TMPRSS11E: variants seen among roughly 807,000 people sequenced by gnomAD.
TMPRSS11E encodes transmembrane serine protease 11E.
A neutral mutation model predicts 48.1 loss-of-function variants in TMPRSS11E; 38 were observed. The ratio of observed to expected loss-of-function variants is 0.79; its 90% CI spans 0.61 to 1.04. TMPRSS11E has a LOEUF of 1.04. Among genes scored for constraint, TMPRSS11E ranks in the 50% least tolerant of loss-of-function variants. The pLI, the probability that TMPRSS11E is intolerant of heterozygous loss-of-function variation, is 0.00. For synonymous variants in TMPRSS11E, 158 were observed against 171.9 expected, an observed-to-expected ratio of 0.92 and a Z score of 0.63; for missense variants, 530 against 510.8, an observed-to-expected ratio of 1.04 and a Z score of -0.36.
intron 1 of TMPRSS11E, among the ~76,000 whole-genome samples, chr4:68,449,050 A>C (rs1321491106): frequency 6.6e-6 from 1 of 151,806 alleles, no homozygotes; most frequent in Non-Finnish European, 1.5e-5. Context: ...ATTTTATTAA[A>C]TAGCATGCTC....
intron 4 of TMPRSS11E, among the ~76,000 whole-genome samples, chr4:68,470,538 G>T (rs563159227): frequency 1.3e-5 from 2 of 151,950 alleles, no homozygotes; most frequent in African/African-American, 4.8e-5. Context: ...ATGTATGAGT[G>T]CATTTGAATG....
chr4:68,455,391 A>G (rs1728602082), intron 1 of TMPRSS11E, among the ~76,000 whole-genome samples: 1 of 152,000 alleles, frequency 6.6e-6, no homozygotes, highest in South Asian at 2.1e-4. Flanking sequence ...AGAGCTCTCA[A>G]TATCATACAA....
intron 1 of TMPRSS11E, among the ~76,000 whole-genome samples, chr4:68,454,662 T>A (rs1238879160): frequency 6.6e-6 from 1 of 151,924 alleles, no homozygotes; most frequent in Non-Finnish European, 1.5e-5. Context: ...TCAGATAGAA[T>A]TTTGTTACAT....
chr4:68,494,071 T>C (rs933351941), intron 9 of TMPRSS11E, among the ~76,000 whole-genome samples: 1 of 152,136 alleles, frequency 6.6e-6, no homozygotes, highest in African/African-American at 2.4e-5. Context: ...TCTCTCAATC[T>C]GGCTATGCTC....
chr4:68,476,245 C>G lies in TMPRSS11E; in HGVS notation c.530-16C>G, dbSNP rs371712937. The G allele has an allele frequency of 8.1e-6, 13 of 1,613,500 alleles. No individual in the cohort carries two copies. In the Admixed American group the frequency reaches 1.5e-4, roughly 19 times the overall value. On this transcript the variant is annotated splice_polypyrimidine_tract_variant and intron_variant, in intron 6 of 9. Coordinates refer to ENST00000305363, the MANE Select transcript of TMPRSS11E (RefSeq NM_014058.4). ...TTAATGCACCCACCAATGCACCCCC[C>G]CTCTCTCTTTTGCAGGCTGCGGAAC...
In TMPRSS11E at chr4:68,477,586, G is replaced by A; in HGVS notation, c.925G>A (p.Asp309Asn). The A allele has an allele frequency of 2.5e-6, 4 of 1,614,060 alleles. No homozygotes were observed. Among genetic ancestry groups the A allele is most frequent in the Non-Finnish European group, 3.4e-6 (4 of 1,179,954 alleles). ...TGCATCCTATGAGTTTCAACCAGGT[G>A]ATGTGATGTTTGTGACAGGATTTGG... ...PDASYEFQPG[D>N]VMFVTGFGAL... Residue 309 changes from aspartate (D) to asparagine (N), a missense_variant, in exon 8 of 10, where the codon GAT becomes AAT. Coordinates refer to ENST00000305363, the MANE Select transcript of TMPRSS11E (RefSeq NM_014058.4).
chr4:68,491,051 A>G (rs1379056721), intron 9 of TMPRSS11E, among the ~76,000 whole-genome samples: 10 of 151,352 alleles, frequency 6.6e-5, no homozygotes, highest in African/African-American at 2.4e-4. Context: ...GAGCCACTGC[A>G]CCTGGTGCCT....
intron 9 of TMPRSS11E, among the ~76,000 whole-genome samples, chr4:68,482,107 G>A (rs1729418484): frequency 6.6e-6 from 1 of 152,150 alleles, no homozygotes. Flanking sequence ...ATGGCAGAAG[G>A]TGAAGTGTGA....
intron 9 of TMPRSS11E, among the ~76,000 whole-genome samples, 196 bp downstream of exon 9, chr4:68,479,187 G>A (rs911809832): frequency 2.0e-5 from 3 of 152,122 alleles, no homozygotes; most frequent in Non-Finnish European, 4.4e-5. Flanking sequence ...CAAAGTATGT[G>A]TCTAATTCTA....
At chr4:68,450,754 CTAAA>C (rs1181447907) in intron 1 of TMPRSS11E, among the ~76,000 whole-genome samples, 1 of 151,870 alleles carries the variant, frequency 6.6e-6, no homozygotes, top group Non-Finnish European at 1.5e-5. Flanking sequence ...TGTATTTAAA[CTAAA>C]TAAACAGTGA....
At chr4:68,472,420 AAATT>A (rs3044075) in intron 5 of TMPRSS11E, among the ~76,000 whole-genome samples, 64,966 of 151,468 alleles carry the variant, frequency 0.43, 14,557 homozygotes, top group Middle Eastern at 0.58. Context: ...GTCAATGTAA[AAATT>A]AATTATTCAT....
intron 1 of TMPRSS11E, among the ~76,000 whole-genome samples, chr4:68,448,492 CT>C (rs1728403881): frequency 6.6e-6 from 1 of 151,922 alleles, no homozygotes; most frequent in African/African-American, 2.4e-5. Flanking sequence ...ATCCTATTCT[CT>C]TTTTCTCATT....
At chr4:68,490,777 T>TTTTTTTGG (rs1729695642) in intron 9 of TMPRSS11E, among the ~76,000 whole-genome samples, 2 of 102,206 alleles carry the variant, frequency 2.0e-5, no homozygotes, top group African/African-American at 3.2e-5. Context: ...TTTTTTTTTT[T>TTTTTTTGG]GAGGTGGAGT....
rs542701342 is a variant in TMPRSS11E at position 68,474,625 on chromosome 4, T to G, written c.491-98T>G. On this transcript the variant is annotated intron_variant, in intron 5 of 9. Coordinates refer to ENST00000305363, the MANE Select transcript of TMPRSS11E (RefSeq NM_014058.4). ...TTCTTTATAATCTAGAGATACTGTT[T>G]TATAATAAAATTAAGCAGCCTTTTA... The G allele has an allele frequency of 2.3e-4, 257 of 1,112,430 alleles. No homozygotes were observed. The African/African-American group carries it at 3.5e-3, about 15-fold the overall frequency. The allele number at this position is 1,112,430 out of a possible 1,614,324, so 68.9% of individuals were successfully genotyped here.
chr4:68,478,914 C>A lies in TMPRSS11E; in HGVS notation c.1033C>A (p.Pro345Thr), dbSNP rs746015990. 2.5e-6 allele frequency: 4 copies of A among 1,613,928 alleles called. No homozygotes were observed. The East Asian group carries it at 6.7e-5, about 27-fold the overall frequency. ...CATAGACGCTACAACTTGCAATGAA[C>A]CTCAAGCTTACAATGACGCCATAAC... ...TLIDATTCNE[P>T]QAYNDAITPR... Residue 345 changes from proline (P) to threonine (T), a missense_variant, in exon 9 of 10, where the codon CCT (proline) becomes ACT (threonine). Pro to Thr is a conservative substitution (Grantham distance 38, BLOSUM62 -1). Coordinates refer to ENST00000305363, the MANE Select transcript of TMPRSS11E (RefSeq NM_014058.4).
chr4:68,462,390 A>C lies in TMPRSS11E; in HGVS notation c.136+445A>C, dbSNP rs1312907753. On this transcript the variant is annotated intron_variant, in intron 2 of 9. Coordinates refer to ENST00000305363, the MANE Select transcript of TMPRSS11E (RefSeq NM_014058.4). ...TCAGGAGTTTGAGACCAGGCTGGCC[A>C]ACATGGTGAAACCCCGTGTCTACTA... is the stretch of plus-strand genomic sequence containing the variant. Among the ~76,000 whole-genome samples the C allele has an allele frequency of 6.0e-5, 9 of 149,472 alleles. No individual in the cohort carries two copies. The Admixed American group carries it at 6.0e-4, about 10-fold the overall frequency.
chr4:68,455,469 A>G (rs895490142), intron 1 of TMPRSS11E, among the ~76,000 whole-genome samples: 8 of 152,046 alleles, frequency 5.3e-5, no homozygotes, highest in African/African-American at 1.9e-4. Context: ...CATCTGTTTG[A>G]ACTAACACTA....
chr4:68,460,934 G>T (rs1175274432), intron 1 of TMPRSS11E, among the ~76,000 whole-genome samples: 1 of 150,190 alleles, frequency 6.7e-6, no homozygotes, highest in African/African-American at 2.5e-5. Flanking sequence ...AGGCTGGAGT[G>T]CAGTGGCCCG....
chr4:68,448,422 G>C (rs1297048835), intron 1 of TMPRSS11E, among the ~76,000 whole-genome samples: 1 of 151,850 alleles, frequency 6.6e-6, no homozygotes, highest in Non-Finnish European at 1.5e-5. Flanking sequence ...ACATTTTGTT[G>C]GGCTTATCAA....
Sources: allele counts gnomAD v4.1 joint callset (sites outside exome capture counted in the v4.1 genomes callset), GRCh38; gene constraint gnomAD v4.1.1; transcripts MANE v1.5; gene names NCBI Gene and HGNC (gene_info 2026-07-23, HGNC 2026-07-21).